The following ENAM variants were observed in gnomAD, a reference collection of about 807,000 sequenced individuals.
ENAM encodes the protein amelogenesis imperfecta 2, hypocalcification (autosomal dominant).
ENAM carries 21 observed loss-of-function variants against 33.6 expected under a neutral mutation model. That is an observed-to-expected ratio of 0.63 (90% CI 0.44 to 0.90). ENAM has a LOEUF of 0.90. ENAM is among the 40% of genes least tolerant of loss of function. ENAM has a pLI of 0.00. For missense variants in ENAM, 1,388 were observed against 1,366.9 expected, an observed-to-expected ratio of 1.02 and a Z score of -0.24; for synonymous variants, 473 against 468.4, an observed-to-expected ratio of 1.01 and a Z score of -0.13.
chr4:70,631,921 G>A (rs1248870632), intron 4 of ENAM, 28 bp downstream of exon 4: 1 of 1,577,502 alleles, frequency 6.3e-7, no homozygotes, highest in African/African-American at 1.3e-5. Flanking sequence ...CAGAGGAGAA[G>A]TTATCCAGAG....
Position 70,643,626 on chromosome 4 carries a change from G to T in ENAM, c.2200G>T (p.Ala734Ser), listed in dbSNP as rs1577973399. 28 of 1,614,096 alleles carry T rather than the reference G, an allele frequency of 1.7e-5. No individual in the cohort carries two copies. The East Asian group carries it at 6.0e-4, about 35-fold the overall frequency. ...TGAGAATTTTCCATCATATAATACA[G>T]CTTCTACTATGCCACCACCTATAGA... ...PDENFPSYNT[A>S]STMPPPIESR... is the part of the protein sequence containing the mutation. The change falls in exon 9 of 9, where the codon GCT (alanine) becomes TCT (serine). Residue 734 changes from alanine (A) to serine (S), a missense_variant. Ala to Ser is a moderately conservative substitution (Grantham distance 99). Transcript: ENST00000396073.
chr4:70,644,062 C>A lies in ENAM; in HGVS notation c.2636C>A (p.Ser879Tyr). The A allele has an allele frequency of 6.2e-7, 1 of 1,614,090 alleles. No individual in the cohort carries two copies. The highest frequency in any genetic ancestry group is 8.5e-7 in the Non-Finnish European group (1 of 1,180,018). Residue 879 changes from serine (S) to tyrosine (Y), a missense_variant, in exon 9 of 9, where the codon TCC (serine) becomes TAC (tyrosine). Physicochemically the swap from Ser to Tyr is moderately radical, Grantham distance 144. Transcript: ENST00000396073. ...AGAGGCTCTTGCTGTGCTGGTAGCT[C>A]CACAGGGCCCAAGGACAATCCACTA... ...SQRGSCCAGS[S>Y]TGPKDNPLAL...
At position 70,631,728 on chromosome 4, in the gene ENAM, T is replaced by C; in HGVS notation, c.113T>C (p.Val38Ala). ...TTTCTAGGGCTTCTTGGTAATTCTGTTGCTATGCCAGTGAGTATTTTTTAA... is the reference window on the plus strand; with the variant it reads ...TTTCTAGGGCTTCTTGGTAATTCTGCTGCTATGCCAGTGAGTATTTTTTAA... Reference protein sequence around the residue: ...LVFLGLLGNSVAMPMHMPRMP... With the variant: ...LVFLGLLGNSAAMPMHMPRMP... The change falls in exon 3 of 9, where the codon GTT (valine) becomes GCT (alanine). Residue 38 changes from valine (V) to alanine (A), a missense_variant. Val to Ala is a moderately conservative substitution (Grantham distance 64, BLOSUM62 0). Transcript: ENST00000396073. 4 of 1,613,540 alleles carry C rather than the reference T, an allele frequency of 2.5e-6. No individual in the cohort carries two copies. Among genetic ancestry groups the C allele is most frequent in the Non-Finnish European group, 2.5e-6 (3 of 1,179,420 alleles).
chr4:70,634,642 A>AT, intron 6 of ENAM, 74 bp downstream of exon 6: 1 of 1,379,654 alleles, frequency 7.2e-7, no homozygotes, highest in Non-Finnish European at 1.0e-6. Flanking sequence ...CCACCCCCAT[A>AT]TACACACTTC....
Position 70,631,033 on chromosome 4 carries a change from G to A in ENAM, c.55-637G>A, listed in dbSNP as rs555887863. On this transcript the variant is annotated intron_variant, in intron 2 of 8. Transcript: ENST00000396073. ...ATGGGATTAAGGCGTGAGCCACCGC[G>A]CCTGGCCACATAAGTGATTTTTAAA... 1.1e-4 allele frequency among the ~76,000 whole-genome samples: 17 copies of A among 152,154 alleles called. No homozygotes were observed. In the South Asian group the frequency reaches 2.5e-3, roughly 22 times the overall value.
At position 70,643,916 on chromosome 4, in the gene ENAM, C is replaced by A. The variant is rs1560405413; in HGVS notation, c.2490C>A (p.Asn830Lys). The change falls in exon 9 of 9, where the codon AAC (asparagine) becomes AAA (lysine). Residue 830 changes from asparagine to lysine, a missense_variant. Transcript: ENST00000396073. ...NPIWHEGENL[N>K]YGMQITRMNS... ...TATGGCATGAAGGTGAGAATTTGAA[C>A]TATGGCATGCAAATAACTAGGATGA... The A allele has an allele frequency of 6.2e-7, 1 of 1,614,132 alleles. No individual in the cohort carries two copies. Among genetic ancestry groups the A allele is most frequent in the Non-Finnish European group, 8.5e-7 (1 of 1,179,954 alleles).
chr4:70,644,073 A>T lies in ENAM; in HGVS notation c.2647A>T (p.Lys883Ter), dbSNP rs1197715566. ...CTGTGCTGGTAGCTCCACAGGGCCC[A>T]AGGACAATCCACTAGCTCTACAAGA... ...SCCAGSSTGPKDNPLALQDYT... is the reference protein window; with the variant it reads ...SCCAGSSTGP Residue 883 changes from lysine to a stop codon, truncating the protein, a stop_gained, in exon 9 of 9, where the codon AAG becomes TAG. Transcript: ENST00000396073. LOFTEE classifies it low-confidence loss of function (END_TRUNC). 6.2e-7 allele frequency: 1 copy of T among 1,614,128 alleles called. No homozygotes were observed. Among genetic ancestry groups the T allele is most frequent in the East Asian group, 2.2e-5 (1 of 44,878 alleles).
Position 70,644,190 on chromosome 4 carries a change from A to G in ENAM, c.2764A>G (p.Ile922Val), listed in dbSNP as rs145473523. The part of the protein sequence containing the change: ...DGSHTKQTRD[I>V]ISPTSILPGQ... The stretch of plus-strand genomic sequence containing the variant: ...TAGTCATACCAAGCAGACAAGAGAT[A>G]TCATCTCCCCAACAAGCATCCTACC... The change falls in exon 9 of 9, where the codon ATC becomes GTC. Residue 922 changes from isoleucine to valine, a missense_variant. By Grantham distance (29) the Ile-to-Val change is conservative. Coordinates refer to ENST00000396073, the MANE Select transcript of ENAM (RefSeq NM_031889.3). 1 of 1,614,084 alleles carries G rather than the reference A, an allele frequency of 6.2e-7. No individual in the cohort carries two copies. Among genetic ancestry groups the G allele is most frequent in the Non-Finnish European group, 8.5e-7 (1 of 1,179,948 alleles).
At chr4:70,635,462 A>G (rs1212345149) in intron 6 of ENAM, among the ~76,000 whole-genome samples, 1 of 152,214 alleles carries the variant, frequency 6.6e-6, no homozygotes, top group East Asian at 1.9e-4. Context: ...ACCAAATTGA[A>G]TGAAAAGACA....
At chr4:70,637,700 G>T in intron 7 of ENAM, 90 bp from the exon 8 acceptor site, 2 of 940,204 alleles carry the variant, frequency 2.1e-6, no homozygotes, top group South Asian at 2.6e-5. Context: ...TCATTGACTT[G>T]AGCTATTTTT....
rs1560401531 is a variant in ENAM at position 70,635,880 on chromosome 4, T to C, written c.520T>C (p.Trp174Arg). The C allele has an allele frequency of 1.2e-5, 19 of 1,605,158 alleles. No homozygotes were observed. Among genetic ancestry groups the C allele is most frequent in the Non-Finnish European group, 1.4e-5 (17 of 1,173,082 alleles). The change falls in exon 7 of 9, where the codon TGG (tryptophan) becomes CGG (arginine). Residue 174 changes from tryptophan (W) to arginine (R), a missense_variant. Transcript: ENST00000396073. ...GCTATTCCCCTATCAACAACCACCA[T>C]GGCAAATTCCACAGGTGAGAAATTT... ...NGLFPYQQPP[W>R]QIPQRLPPPG...
intron 7 of ENAM, among the ~76,000 whole-genome samples, chr4:70,637,402 C>G (rs543575693): frequency 1.1e-4 from 16 of 152,246 alleles, no homozygotes; most frequent in African/African-American, 3.9e-4. Flanking sequence ...AATATGGATA[C>G]TTGGATTCTA....
intron 6 of ENAM, among the ~76,000 whole-genome samples, chr4:70,635,177 G>T (rs758076858): frequency 6.6e-6 from 1 of 152,144 alleles, no homozygotes; most frequent in African/African-American, 2.4e-5. Context: ...AGGAGTTCAA[G>T]ACCAGCCTGG....
chr4:70,637,997 A>C (rs185875578), intron 8 of ENAM, among the ~76,000 whole-genome samples, 154 bp downstream of exon 8: 418 of 152,330 alleles, frequency 2.7e-3, no homozygotes, highest in Non-Finnish European at 4.1e-3. Context: ...TAAACAAATC[A>C]AGCCAGTGGT....
At chr4:70,629,161 C>A (rs1016014272) in intron 1 of ENAM, among the ~76,000 whole-genome samples, 197 bp downstream of exon 1, 1 of 152,190 alleles carries the variant, frequency 6.6e-6, no homozygotes, top group Middle Eastern at 3.4e-3. Context: ...TTTTTTCCAG[C>A]CTTCTTAGAC....
At chr4:70,630,275 T>A (rs1390803353) in intron 2 of ENAM, among the ~76,000 whole-genome samples, 1 of 152,162 alleles carries the variant, frequency 6.6e-6, no homozygotes, top group Non-Finnish European at 1.5e-5. Context: ...TTTATGTTGC[T>A]CCTATAGGAA....
At chr4:70,629,406 TC>T (rs1343721219) in intron 1 of ENAM, 34 bp from the exon 2 acceptor site, 1 of 913,436 alleles carries the variant, frequency 1.1e-6, no homozygotes, top group East Asian at 2.4e-5. Flanking sequence ...GCTTTGCTAT[TC>T]ATTTCATTTA....
In ENAM at chr4:70,646,636, A is replaced by T. The variant is rs748285828; in HGVS notation, c.*1781A>T. The stretch of plus-strand genomic sequence containing the variant: ...GCTTTATATATTCAGCAACATTTCC[A>T]TCATAGAATTTCAGCGTTAGAAGGG... On this transcript the variant is annotated 3_prime_UTR_variant, in exon 9 of 9. Transcript: ENST00000396073. 2 of 152,196 alleles carry T rather than the reference A, an allele frequency of 1.3e-5. No individual in the cohort carries two copies. Among genetic ancestry groups the T allele is most frequent in the Non-Finnish European group, 2.9e-5 (2 of 68,046 alleles). 9.4% of individuals were successfully genotyped at this position (152,196 alleles called of 1,614,324 possible).
chr4:70,637,991 CA>C, intron 8 of ENAM, 148 bp downstream of exon 8: 1 of 667,238 alleles, frequency 1.5e-6, no homozygotes. Flanking sequence ...AAAAGTTAAA[CA>C]AATCAAGCCA....
Sources: allele counts gnomAD v4.1 joint callset (sites outside exome capture counted in the v4.1 genomes callset), GRCh38; gene constraint gnomAD v4.1.1; transcripts MANE v1.5; gene names NCBI Gene and HGNC (gene_info 2026-07-23, HGNC 2026-07-21).